SLCO3A1: variants seen among roughly 807,000 people sequenced by gnomAD.
SLCO3A1 encodes PGE1 transporter.
In SLCO3A1, 27 loss-of-function variants were observed where a neutral mutation model predicts 63.1. The observed-to-expected ratio is 0.43, with a 90% CI of 0.32 to 0.59. The LOEUF (loss-of-function observed/expected upper bound fraction) is 0.59, where lower values mean the gene tolerates loss of function less well. SLCO3A1 is among the 20% of genes least tolerant of loss of function. The pLI is 0.09. For missense variants in SLCO3A1, 773 were observed against 945.8 expected (o/e 0.82, Z 2.40); for synonymous variants, 473 against 409.9 (o/e 1.15, Z -1.86).
intron 1 of SLCO3A1, among the ~76,000 whole-genome samples, chr15:91,870,902 T>C (rs969931359): frequency 1.3e-5 from 2 of 152,090 alleles, no homozygotes; most frequent in African/African-American, 4.8e-5. Context: ...AGATGTTGTC[T>C]TTGGGTTCTT....
chr15:92,063,955 G>A (rs1013674082), intron 2 of SLCO3A1, among the ~76,000 whole-genome samples: 8 of 152,342 alleles, frequency 5.3e-5, no homozygotes, highest in African/African-American at 1.7e-4. Context: ...GGAACCCTTT[G>A]AGCAGCCTAT....
intron 2 of SLCO3A1, among the ~76,000 whole-genome samples, chr15:91,918,554 G>A (rs1403449292): frequency 6.6e-6 from 1 of 152,170 alleles, no homozygotes; most frequent in African/African-American, 2.4e-5. Flanking sequence ...GGCCTCAATA[G>A]GGGGCCTTTT....
chr15:91,883,475 C>T lies in SLCO3A1; in HGVS notation c.180+29387C>T, dbSNP rs1279916477. Among the ~76,000 whole-genome samples, 2 of 152,200 alleles carry T rather than the reference C, an allele frequency of 1.3e-5. No homozygotes were observed. Among genetic ancestry groups the T allele is most frequent in the Non-Finnish European group, 2.9e-5 (2 of 68,044 alleles). The stretch of plus-strand genomic sequence containing the variant: ...TGGGGCTCCCCGGAGGGATGTACCT[C>T]GCACTGACTGGCTGGGGCCCTTCAT... On this transcript the variant is annotated intron_variant, in intron 1 of 9. Coordinates refer to ENST00000318445, the MANE Select transcript of SLCO3A1 (RefSeq NM_013272.4). This position sits in a 1 kb window ranked among gnomAD's most constrained non-coding sequence, Gnocchi z 4.8.
chr15:92,084,363 C>G (rs2047381170), intron 2 of SLCO3A1, among the ~76,000 whole-genome samples: 2 of 152,192 alleles, frequency 1.3e-5, no homozygotes, highest in African/African-American at 4.8e-5. Flanking sequence ...CAGAAGCATT[C>G]TGTGCACTAC....
chr15:92,109,341 G>A (rs925955669), intron 4 of SLCO3A1, among the ~76,000 whole-genome samples: 3 of 152,180 alleles, frequency 2.0e-5, no homozygotes, highest in African/African-American at 7.2e-5. Flanking sequence ...AGTGGCGTCA[G>A]CAGGTGCTGA....
chr15:92,098,402 A>G (rs2047565629), intron 3 of SLCO3A1, among the ~76,000 whole-genome samples: 1 of 152,194 alleles, frequency 6.6e-6, no homozygotes, highest in African/African-American at 2.4e-5. Context: ...TTTGCTCCTC[A>G]GCTCAGGGAG....
intron 2 of SLCO3A1, among the ~76,000 whole-genome samples, chr15:91,977,244 A>C (rs1364986057): frequency 6.6e-6 from 1 of 152,160 alleles, no homozygotes; most frequent in Non-Finnish European, 1.5e-5. Context: ...CTGGGGGGTG[A>C]CATGCACTGG....
intron 2 of SLCO3A1, among the ~76,000 whole-genome samples, chr15:91,925,155 T>G (rs554204560): frequency 1.5e-4 from 23 of 152,272 alleles, no homozygotes; most frequent in Admixed American, 3.9e-4. Flanking sequence ...AAAAAGATTT[T>G]GAGACATTTC....
At chr15:91,991,714 TGTAA>T (rs1306133106) in intron 2 of SLCO3A1, among the ~76,000 whole-genome samples, 3 of 152,272 alleles carry the variant, frequency 2.0e-5, no homozygotes, top group African/African-American at 7.2e-5. Flanking sequence ...TGTTTTTGCA[TGTAA>T]GTCTTTATGC....
At chr15:91,988,451 T>TTAAAGAAA (rs2046083099) in intron 2 of SLCO3A1, among the ~76,000 whole-genome samples, 2 of 152,284 alleles carry the variant, frequency 1.3e-5, no homozygotes, top group South Asian at 4.1e-4. Flanking sequence ...TAAATGTTAT[T>TTAAAGAAA]TTATTTTATT....
At chr15:91,970,930 T>C (rs561512615) in intron 2 of SLCO3A1, among the ~76,000 whole-genome samples, 1 of 152,262 alleles carries the variant, frequency 6.6e-6, no homozygotes, top group Admixed American at 6.5e-5. Context: ...TAAATAGGTA[T>C]AGGCATATGT....
intron 2 of SLCO3A1, among the ~76,000 whole-genome samples, chr15:92,050,637 C>T (rs973100414): frequency 1.3e-5 from 2 of 152,198 alleles, no homozygotes; most frequent in Non-Finnish European, 1.5e-5. Flanking sequence ...CTAGTCCTGG[C>T]CACTATCACT....
chr15:91,884,684 A>G (rs1897679650), intron 1 of SLCO3A1, among the ~76,000 whole-genome samples: 1 of 152,114 alleles, frequency 6.6e-6, no homozygotes, highest in African/African-American at 2.4e-5. Flanking sequence ...GGCTTAAGTG[A>G]TTTTTCACAA....
intron 2 of SLCO3A1, among the ~76,000 whole-genome samples, chr15:91,994,387 A>G (rs4932597): frequency 0.18 from 26,990 of 152,116 alleles, 2,914 homozygotes; most frequent in East Asian, 0.34. Context: ...TGTTTAAATT[A>G]CTAGCCCAAA....
chr15:92,062,512 C>T (rs1481718183), intron 2 of SLCO3A1, among the ~76,000 whole-genome samples: 1 of 152,090 alleles, frequency 6.6e-6, no homozygotes, highest in Non-Finnish European at 1.5e-5. Flanking sequence ...TTCGTGTGGT[C>T]AAGTTTGTGT....
At chr15:91,864,305 C>A (rs1228105032) in intron 1 of SLCO3A1, among the ~76,000 whole-genome samples, 1 of 152,170 alleles carries the variant, frequency 6.6e-6, no homozygotes. Context: ...CCCAAATGTG[C>A]AGCCCCACCC....
intron 7 of SLCO3A1, among the ~76,000 whole-genome samples, chr15:92,144,700 C>T (rs2048197254): frequency 6.6e-6 from 1 of 152,244 alleles, no homozygotes; most frequent in South Asian, 2.1e-4. Flanking sequence ...TCCCAGGTTT[C>T]CTTCTTGTCC....
chr15:91,905,969 T>G (rs1328573188), intron 1 of SLCO3A1, among the ~76,000 whole-genome samples: 1 of 152,198 alleles, frequency 6.6e-6, no homozygotes, highest in Non-Finnish European at 1.5e-5. Context: ...GGCACAGTGC[T>G]TGGTCACTTG....
intron 2 of SLCO3A1, among the ~76,000 whole-genome samples, chr15:92,043,285 ACGG>A (rs1287661361): frequency 6.6e-6 from 1 of 152,162 alleles, no homozygotes; most frequent in Non-Finnish European, 1.5e-5. Flanking sequence ...GATTTCATGG[ACGG>A]CATTGCCCAT....
Sources: gnomAD v4.1 joint callset for allele counts (sites outside exome capture counted in the v4.1 genomes callset) on GRCh38, gnomAD v4.1.1 for gene constraint, Gnocchi (gnomAD v3.1) non-coding constraint, MANE v1.5 for transcripts, NCBI Gene and HGNC (gene_info 2026-07-23, HGNC 2026-07-21) for gene names.